SNX29: variants seen among roughly 807,000 people sequenced by gnomAD.
The protein encoded by SNX29 is sorting nexin-29.
In SNX29, 78 loss-of-function variants were observed where a neutral mutation model predicts 102.1. That is an observed-to-expected ratio of 0.76 (90% CI 0.64 to 0.92). SNX29 has a LOEUF of 0.92. SNX29 is among the 40% of genes least tolerant of loss of function. SNX29 has a pLI of 0.00. For synonymous variants in SNX29, 580 were observed against 414.5 expected, an observed-to-expected ratio of 1.40 and a Z score of -4.85; for missense variants, 1,280 against 1,061.7, an observed-to-expected ratio of 1.21 and a Z score of -2.86.
intron 11 of SNX29, among the ~76,000 whole-genome samples, chr16:12,092,619 A>C (rs1348445133): frequency 6.6e-6 from 1 of 151,836 alleles, no homozygotes; most frequent in East Asian, 1.9e-4. Flanking sequence ...AGGTCGCTTG[A>C]CCTCTCTGTG....
chr16:12,528,341 C>T (rs1310802474), intron 20 of SNX29, among the ~76,000 whole-genome samples: 19 of 152,098 alleles, frequency 1.2e-4, no homozygotes, highest in Non-Finnish European at 2.8e-4. Flanking sequence ...GGATTACAGG[C>T]ATGTGTCACC....
At chr16:12,311,100 C>T (rs1262160930) in intron 15 of SNX29, among the ~76,000 whole-genome samples, 1 of 152,176 alleles carries the variant, frequency 6.6e-6, no homozygotes. Flanking sequence ...AGGGCTGGTC[C>T]TTCCTAATCA....
At chr16:12,551,912 C>G (rs2078001145) in intron 20 of SNX29, among the ~76,000 whole-genome samples, 1 of 152,110 alleles carries the variant, frequency 6.6e-6, no homozygotes, top group African/African-American at 2.4e-5. Flanking sequence ...ATCTCTATAC[C>G]CTACCACACA....
At chr16:12,548,673 A>T (rs748324268) in intron 20 of SNX29, among the ~76,000 whole-genome samples, 1 of 152,166 alleles carries the variant, frequency 6.6e-6, no homozygotes, top group Non-Finnish European at 1.5e-5. Flanking sequence ...CAAGAAGTGA[A>T]GTTTAAAGCC....
In SNX29 at chr16:12,568,639, A is replaced by C. The variant is rs1272384676; in HGVS notation, c.*10A>C. On this transcript the variant is annotated 3_prime_UTR_variant, in exon 21 of 21. Transcript: ENST00000566228. ...GAGCGGTGACCTCTGACCTCGACAA[A>C]ACCGCAGCCACGGGCCCTGTGCGTG... 1.9e-6 allele frequency: 3 copies of C among 1,601,152 alleles called. No homozygotes were observed. In the Admixed American group the frequency reaches 5.0e-5, roughly 27 times the overall value.
At chr16:12,564,649 C>G (rs2078916006) in intron 20 of SNX29, among the ~76,000 whole-genome samples, 1 of 152,146 alleles carries the variant, frequency 6.6e-6, no homozygotes, top group African/African-American at 2.4e-5. Flanking sequence ...TGCTGGGGAG[C>G]AGGAATGGAA....
rs1598142387 is a variant in SNX29 at position 12,572,155 on chromosome 16, A to T, written c.*3526A>T. Reference sequence around the variant, plus strand: ...TCATACTTTGGAGCTTATTAAGATCAATTTTGATAACCATGTAATTTCTTA... The same window carrying T: ...TCATACTTTGGAGCTTATTAAGATCTATTTTGATAACCATGTAATTTCTTA... On this transcript the variant is annotated 3_prime_UTR_variant, in exon 21 of 21. Coordinates refer to ENST00000566228, the MANE Select transcript of SNX29 (RefSeq NM_032167.5). The T allele has an allele frequency of 1.0e-6, 1 of 987,068 alleles. No individual in the cohort carries two copies. The highest frequency in any genetic ancestry group is 4.9e-5 in the South Asian group (1 of 20,408). 61.1% of individuals were successfully genotyped at this position (987,068 alleles called of 1,614,324 possible).
At chr16:12,039,428 C>T (rs183742248) in intron 4 of SNX29, among the ~76,000 whole-genome samples, 2 of 152,248 alleles carry the variant, frequency 1.3e-5, no homozygotes, top group Non-Finnish European at 2.9e-5. Flanking sequence ...CCCTTAGGGA[C>T]GAGTTCTTGT....
intron 18 of SNX29, among the ~76,000 whole-genome samples, chr16:12,451,804 C>T (rs1710146514): frequency 6.6e-6 from 1 of 152,226 alleles, no homozygotes; most frequent in Admixed American, 6.5e-5. Flanking sequence ...GCAGAAGTTG[C>T]AGTGAGCCCA....
chr16:12,433,652 G>C (rs1231172491), intron 18 of SNX29, among the ~76,000 whole-genome samples: 3 of 37,012 alleles, frequency 8.1e-5, no homozygotes, highest in African/African-American at 2.0e-4. Context: ...AAAAAAAAAG[G>C]AAACTTAGCT....
chr16:12,290,730 G>C (rs965931097), intron 15 of SNX29, among the ~76,000 whole-genome samples: 1 of 152,204 alleles, frequency 6.6e-6, no homozygotes, highest in African/African-American at 2.4e-5. Flanking sequence ...GCTTGGGACT[G>C]TGTGACTAGT....
intron 16 of SNX29, among the ~76,000 whole-genome samples, chr16:12,387,467 G>A (rs1033974425): frequency 1.3e-5 from 2 of 152,060 alleles, no homozygotes; most frequent in Non-Finnish European, 2.9e-5. Flanking sequence ...CGATGGCTCA[G>A]GTCAGAGCTG....
chr16:12,346,290 C>G (rs1024988723), intron 15 of SNX29, among the ~76,000 whole-genome samples: 2 of 152,130 alleles, frequency 1.3e-5, no homozygotes, highest in Non-Finnish European at 2.9e-5. Context: ...CTGGACACTT[C>G]TGCTGGTGCC....
chr16:12,143,765 G>A (rs1197993587), intron 13 of SNX29, among the ~76,000 whole-genome samples: 3 of 152,200 alleles, frequency 2.0e-5, no homozygotes, highest in African/African-American at 7.2e-5. Context: ...CTGTTGCTCA[G>A]ATGTAACTAG....
chr16:12,362,730 C>T (rs915266780), intron 16 of SNX29, among the ~76,000 whole-genome samples: 3 of 151,994 alleles, frequency 2.0e-5, no homozygotes, highest in Non-Finnish European at 4.4e-5. Flanking sequence ...CTCCCTGAAG[C>T]CCTGACAAGG....
At chr16:12,145,993 G>A (rs1173275166) in intron 13 of SNX29, among the ~76,000 whole-genome samples, 1 of 152,162 alleles carries the variant, frequency 6.6e-6, no homozygotes, top group Non-Finnish European at 1.5e-5. Context: ...TCTTGATCTT[G>A]TGTTACTAAA....
intron 18 of SNX29, chr16:12,443,180 C>T (rs952163391): frequency 9.8e-5 from 36 of 368,936 alleles, no homozygotes; most frequent in Non-Finnish European, 7.5e-5. Flanking sequence ...ATGCTCCTTC[C>T]TATGGAAGCT....
chr16:12,116,661 G>T (rs911932693), intron 11 of SNX29, among the ~76,000 whole-genome samples: 3 of 152,212 alleles, frequency 2.0e-5, no homozygotes, highest in Admixed American at 2.0e-4. Context: ...GCCACGGAGT[G>T]AGACTCCTTC....
At chr16:12,219,057 A>C (rs576421948) in intron 14 of SNX29, among the ~76,000 whole-genome samples, 11 of 152,260 alleles carry the variant, frequency 7.2e-5, no homozygotes, top group East Asian at 1.9e-4. Flanking sequence ...TACAGGTGTG[A>C]GCCACCGCGC....
Sources: gnomAD v4.1 joint callset for allele counts (sites outside exome capture counted in the v4.1 genomes callset) on GRCh38, gnomAD v4.1.1 for gene constraint, MANE v1.5 for transcripts, NCBI Gene and HGNC (gene_info 2026-07-23, HGNC 2026-07-21) for gene names.